MTCL2: variants seen among roughly 807,000 people sequenced by gnomAD.
MTCL2 encodes the protein microtubule crosslinking factor 2, also known as microtubule cross-linking factor 2.
chr20:36,835,515 A>C, the MTCL2 span, among the ~76,000 whole-genome samples: 1 of 152,134 alleles, frequency 6.6e-6, no homozygotes, highest in Non-Finnish European at 1.5e-5. Flanking sequence ...CAAGTTGGGG[A>C]AGTCCCAGAG....
chr20:36,794,013 G>A, the MTCL2 span: 242 of 1,551,582 alleles, frequency 1.6e-4, no homozygotes, highest in East Asian at 2.0e-4. The surrounding 1 kb of genome is among the most constrained non-coding windows in gnomAD (Gnocchi z 5.4). Flanking sequence ...GAGCCGGAGC[G>A]CATGGCCTGG....
the MTCL2 span, among the ~76,000 whole-genome samples, chr20:36,792,776 T>C: frequency 9.9e-5 from 15 of 152,240 alleles, no homozygotes; most frequent in African/African-American, 3.6e-4. Flanking sequence ...TAGACCAGCA[T>C]AAGAACTTCC....
At chr20:36,843,750 G>A in the MTCL2 span, among the ~76,000 whole-genome samples, 2 of 152,284 alleles carry the variant, frequency 1.3e-5, no homozygotes, top group South Asian at 4.1e-4. Flanking sequence ...GAATAGGAGG[G>A]TCTAAGTGGA....
At chr20:36,786,685 A>C in the MTCL2 span, 1 of 1,499,362 alleles carries the variant, frequency 6.7e-7, no homozygotes, top group Middle Eastern at 1.7e-4. Flanking sequence ...GAGCCAGGAG[A>C]CATGGACCAC....
the MTCL2 span, chr20:36,815,378 C>CTCGTTG: frequency 6.2e-7 from 1 of 1,613,558 alleles, no homozygotes; most frequent in Non-Finnish European, 8.5e-7. The surrounding 1 kb of genome is among the most constrained non-coding windows in gnomAD (Gnocchi z 5.3). Context: ...AGTCAGCACA[C>CTCGTTG]TCGTTGTCCA....
At chr20:36,854,344 C>T in the MTCL2 span, among the ~76,000 whole-genome samples, 1 of 152,122 alleles carries the variant, frequency 6.6e-6, no homozygotes, top group Non-Finnish European at 1.5e-5. Flanking sequence ...ATCTAATCAA[C>T]ATCGTGGTAA....
At chr20:36,786,443 C>T in the MTCL2 span, 3 of 1,502,264 alleles carry the variant, frequency 2.0e-6, no homozygotes, top group Non-Finnish European at 1.8e-6. Context: ...CTTCTGCTAT[C>T]CAGGGGCTGG....
At chr20:36,786,052 C>T in the MTCL2 span, 1 of 986,630 alleles carries the variant, frequency 1.0e-6, no homozygotes, top group African/African-American at 1.7e-5. Flanking sequence ...AGTGTCTCCT[C>T]CCAAATGAAG....
At chr20:36,833,284 C>T in the MTCL2 span, among the ~76,000 whole-genome samples, 1 of 152,362 alleles carries the variant, frequency 6.6e-6, no homozygotes, top group South Asian at 2.1e-4. Context: ...CCCCACGTGT[C>T]TATCCCATTT....
the MTCL2 span, among the ~76,000 whole-genome samples, chr20:36,800,250 T>C: frequency 1.3e-5 from 2 of 152,206 alleles, no homozygotes; most frequent in Non-Finnish European, 2.9e-5. Context: ...AGGGATGACA[T>C]GAAGCTTGTT....
chr20:36,822,658 C>T, the MTCL2 span, among the ~76,000 whole-genome samples: 1 of 152,178 alleles, frequency 6.6e-6, no homozygotes, highest in East Asian at 1.9e-4. Flanking sequence ...AATCTTCTGC[C>T]AAAACAGCAG....
chr20:36,785,971 G>A, the MTCL2 span: 3 of 987,764 alleles, frequency 3.0e-6, no homozygotes, highest in Non-Finnish European at 3.6e-6. Flanking sequence ...GGAGGTGATG[G>A]TGATGATGCC....
the MTCL2 span, among the ~76,000 whole-genome samples, chr20:36,841,155 CAAAAAAAAAAAAAA>C: frequency 6.2e-3 from 252 of 40,356 alleles, 1 homozygote; most frequent in Non-Finnish European, 5.9e-3. Context: ...ACTAAAAATA[CAAAAAAAAAAAAAA>C]AAAAAAAAAA....
the MTCL2 span, among the ~76,000 whole-genome samples, chr20:36,792,824 A>C: frequency 2.7e-3 from 401 of 148,262 alleles, 5 homozygotes; most frequent in African/African-American, 9.7e-3. Context: ...TTTATTTTAT[A>C]TATATAGATA....
the MTCL2 span, chr20:36,815,377 A>G: frequency 6.2e-7 from 1 of 1,613,346 alleles, no homozygotes; most frequent in Non-Finnish European, 8.5e-7. This position sits in a 1 kb window ranked among gnomAD's most constrained non-coding sequence, Gnocchi z 5.3. Context: ...AAGTCAGCAC[A>G]CTCGTTGTCC....
At chr20:36,851,635 C>A in the MTCL2 span, among the ~76,000 whole-genome samples, 1 of 152,244 alleles carries the variant, frequency 6.6e-6, no homozygotes, top group Non-Finnish European at 1.5e-5. Flanking sequence ...GAGAAGCCTT[C>A]CATGCTCCTC....
the MTCL2 span, among the ~76,000 whole-genome samples, chr20:36,857,458 C>G: frequency 6.6e-6 from 1 of 152,132 alleles, no homozygotes; most frequent in Non-Finnish European, 1.5e-5. Context: ...CAGCGAGTCA[C>G]TGGATGGGTC....
the MTCL2 span, among the ~76,000 whole-genome samples, chr20:36,841,155 C>CAAAAAAAA: frequency 3.7e-4 from 15 of 40,354 alleles, 2 homozygotes; most frequent in South Asian, 1.8e-3. Flanking sequence ...ACTAAAAATA[C>CAAAAAAAA]AAAAAAAAAA....
chr20:36,796,320 G>A, the MTCL2 span, among the ~76,000 whole-genome samples: 21 of 152,224 alleles, frequency 1.4e-4, no homozygotes, highest in African/African-American at 5.1e-4. Flanking sequence ...GGCAGGGCTG[G>A]CATTCAAACC....
Sources: allele counts gnomAD v4.1 joint callset (sites outside exome capture counted in the v4.1 genomes callset), GRCh38; gene constraint gnomAD v4.1.1; non-coding constraint Gnocchi (gnomAD v3.1); transcripts MANE v1.5; gene names NCBI Gene and HGNC (gene_info 2026-07-23, HGNC 2026-07-21).